Variants in NAALAD2 observed in about 807,000 individuals in gnomAD.
NAALAD2 encodes N-acetylated-alpha-linked acidic dipeptidase 2.
Under a neutral mutation model 95.6 loss-of-function variants are expected in NAALAD2, and 89 were observed. The ratio of observed to expected loss-of-function variants is 0.93; its 90% CI spans 0.78 to 1.11. The LOEUF (loss-of-function observed/expected upper bound fraction) is 1.11, where lower values mean the gene tolerates loss of function less well. Ranked by LOEUF, NAALAD2 falls within the 50% of genes least tolerant of loss-of-function variation. NAALAD2 has a pLI of 0.00. For synonymous variants in NAALAD2, 264 were observed against 294.4 expected (o/e 0.90, Z 1.06); for missense variants, 894 against 872.4 (o/e 1.02, Z -0.31).
Position 90,178,019 on chromosome 11 carries a change from T to C in NAALAD2, c.1760T>C (p.Ile587Thr). 2 of 1,613,948 alleles carry C rather than the reference T, an allele frequency of 1.2e-6. No individual in the cohort carries two copies. Among genetic ancestry groups the C allele is most frequent in the Non-Finnish European group, 1.7e-6 (2 of 1,179,932 alleles). Residue 587 changes from isoleucine to threonine, a missense_variant, in exon 16 of 19, where the codon ATT (isoleucine) becomes ACT (threonine). Ile to Thr is a moderately conservative substitution (Grantham distance 89, BLOSUM62 -1). Coordinates refer to ENST00000534061, the MANE Select transcript of NAALAD2 (RefSeq NM_005467.4). ...LVDSKIIPFN[I>T]QDYAEALKNY... ...GATTCTAAAATCATTCCTTTTAATATTCAAGACTATGCAGAAGCTTTGAAA... is the reference window on the plus strand; with the variant it reads ...GATTCTAAAATCATTCCTTTTAATACTCAAGACTATGCAGAAGCTTTGAAA...
At chr11:90,154,107 C>T (rs1951963684) in intron 6 of NAALAD2, among the ~76,000 whole-genome samples, 1 of 151,354 alleles carries the variant, frequency 6.6e-6, no homozygotes, top group Non-Finnish European at 1.5e-5. Context: ...CTTTATTGTA[C>T]TGGCTAGACC....
intron 11 of NAALAD2, chr11:90,163,867 A>AT (rs1952366844): frequency 2.2e-6 from 1 of 464,490 alleles, no homozygotes; most frequent in Admixed American, 3.9e-5. Context: ...CATTTGTTTT[A>AT]TAAAAAATAA....
chr11:90,134,213 A>T (rs1951400911), upstream of NAALAD2, among the ~76,000 whole-genome samples: 1 of 152,194 alleles, frequency 6.6e-6, no homozygotes, highest in Admixed American at 6.5e-5. Context: ...GGGGAACAAA[A>T]AAACGCAATC....
chr11:90,190,775 AATC>A (rs1224186920), intron 18 of NAALAD2, among the ~76,000 whole-genome samples: 1 of 148,532 alleles, frequency 6.7e-6, no homozygotes, highest in Non-Finnish European at 1.5e-5. Flanking sequence ...ATTTGTCATT[AATC>A]ATTAATCATT....
chr11:90,170,068 G>T lies in NAALAD2; in HGVS notation c.1343-1G>T, dbSNP rs1190574046. ...TACTCTGTGTCTTATTTATTTTTCAGGCAATTATACTCTCAGAGTTGACTG... is the reference window on the plus strand; with the variant it reads ...TACTCTGTGTCTTATTTATTTTTCATGCAATTATACTCTCAGAGTTGACTG... On this transcript the variant is annotated splice_acceptor_variant, in intron 12 of 18. Coordinates refer to ENST00000534061, the MANE Select transcript of NAALAD2 (RefSeq NM_005467.4). LOFTEE classifies it high-confidence loss of function. The T allele has an allele frequency of 1.9e-6, 3 of 1,553,696 alleles. No individual in the cohort carries two copies. The South Asian group carries it at 3.3e-5, about 17-fold the overall frequency.
At chr11:90,186,985 AAAC>A (rs1305675289) in intron 18 of NAALAD2, among the ~76,000 whole-genome samples, 2 of 150,442 alleles carry the variant, frequency 1.3e-5, no homozygotes, top group African/African-American at 2.4e-5. Flanking sequence ...TACAAGAAAA[AAAC>A]AACCCCATCA....
chr11:90,165,155 A>AT (rs1265495648), intron 11 of NAALAD2, among the ~76,000 whole-genome samples: 2 of 152,030 alleles, frequency 1.3e-5, no homozygotes, highest in African/African-American at 4.8e-5. Context: ...TAGTCTCATC[A>AT]TTTTTTACGA....
intron 2 of NAALAD2, among the ~76,000 whole-genome samples, chr11:90,136,398 G>A (rs1951454758): frequency 6.6e-6 from 1 of 152,090 alleles, no homozygotes; most frequent in Non-Finnish European, 1.5e-5. Flanking sequence ...CCTCCATCAT[G>A]CTACAAAAAT....
At chr11:90,161,281 T>C (rs1276036834) in intron 8 of NAALAD2, among the ~76,000 whole-genome samples, 1 of 151,692 alleles carries the variant, frequency 6.6e-6, no homozygotes, top group Non-Finnish European at 1.5e-5. Flanking sequence ...TTTCAGTGGA[T>C]TTGAATTATT....
At chr11:90,155,436 TATA>T (rs1203208711) in intron 6 of NAALAD2, among the ~76,000 whole-genome samples, 1 of 96,084 alleles carries the variant, frequency 1.0e-5, no homozygotes, top group Non-Finnish European at 1.8e-5. Context: ...ACATGTAATA[TATA>T]ATATATAATA....
intron 4 of NAALAD2, among the ~76,000 whole-genome samples, chr11:90,150,232 G>T (rs1439112000): frequency 2.6e-5 from 3 of 116,840 alleles, no homozygotes; most frequent in African/African-American, 1.2e-4. Flanking sequence ...TCCAGCCTGG[G>T]TGACAGTGAA....
At chr11:90,138,559 TATC>T (rs1951511353) in intron 2 of NAALAD2, among the ~76,000 whole-genome samples, 1 of 152,124 alleles carries the variant, frequency 6.6e-6, no homozygotes, top group African/African-American at 2.4e-5. Context: ...GATTGTCTAA[TATC>T]ATCTTGTTTT....
intron 18 of NAALAD2, among the ~76,000 whole-genome samples, chr11:90,189,769 C>CAAAA: frequency 7.1e-6 from 1 of 140,744 alleles, no homozygotes; most frequent in Admixed American, 7.0e-5. Context: ...GACTCTATCT[C>CAAAA]AAAAAAAAAA....
intron 14 of NAALAD2, among the ~76,000 whole-genome samples, chr11:90,174,718 ATATT>A (rs1380885485): frequency 2.0e-5 from 3 of 151,760 alleles, no homozygotes; most frequent in African/African-American, 4.8e-5. Context: ...AATTTATTTT[ATATT>A]TATTTGTTTT....
chr11:90,181,588 A>C lies in NAALAD2; in HGVS notation c.1859-32A>C, dbSNP rs141808240. ...AAGCGAACCTCTGAAATATGAGCTA[A>C]TTTCTCTTCTTCTTTTCTATTTTTA... On this transcript the variant is annotated intron_variant, in intron 16 of 18. Coordinates refer to ENST00000534061, the MANE Select transcript of NAALAD2 (RefSeq NM_005467.4). The C allele has an allele frequency of 3.3e-4, 482 of 1,459,386 alleles. 2 individuals carry two copies. The African/African-American group carries it at 5.6e-3, about 17-fold the overall frequency. 90.4% of individuals were successfully genotyped at this position (1,459,386 alleles called of 1,614,324 possible).
chr11:90,147,559 C>A, intron 3 of NAALAD2, 43 bp downstream of exon 3: 2 of 1,516,852 alleles, frequency 1.3e-6, no homozygotes, highest in Non-Finnish European at 1.8e-6. Flanking sequence ...GCAATCCGAC[C>A]GTTTTATGTG....
intron 14 of NAALAD2, among the ~76,000 whole-genome samples, chr11:90,174,767 G>A (rs1267819159): frequency 6.6e-6 from 1 of 151,280 alleles, no homozygotes; most frequent in East Asian, 1.9e-4. Context: ...GTAATAAAAA[G>A]TATATATTTG....
rs1183907341 is a variant in NAALAD2 at position 90,192,641 on chromosome 11, T to C, written c.*894T>C. 6.6e-6 allele frequency: 1 copy of C among 152,010 alleles called. No individual in the cohort carries two copies. Among genetic ancestry groups the C allele is most frequent in the Non-Finnish European group, 1.5e-5 (1 of 67,896 alleles). The allele number at this position is 152,010 out of a possible 1,614,324, so 9.4% of individuals were successfully genotyped here. ...GCAAGGAAACCAGAATCATATACCT[T>C]CTCTTGTGAAATCACCATGAAGTGT... On this transcript the variant is annotated 3_prime_UTR_variant, in exon 19 of 19. Transcript: ENST00000534061.
intron 15 of NAALAD2, among the ~76,000 whole-genome samples, chr11:90,176,705 C>T (rs149931262): frequency 5.7e-4 from 87 of 152,250 alleles, no homozygotes; most frequent in African/African-American, 1.9e-3. Context: ...TTGAAGATTA[C>T]AGTAGCAGAC....
Sources: gnomAD v4.1 joint callset for allele counts (sites outside exome capture counted in the v4.1 genomes callset) on GRCh38, gnomAD v4.1.1 for gene constraint, MANE v1.5 for transcripts, NCBI Gene and HGNC (gene_info 2026-07-23, HGNC 2026-07-21) for gene names.